CEP85L: variants seen among roughly 807,000 people sequenced by gnomAD.
CEP85L encodes the protein centrosomal protein 85L, also known as centrosomal protein of 85 kDa-like.
CEP85L carries 60 observed loss-of-function variants against 100.3 expected under a neutral mutation model. That is an observed-to-expected ratio of 0.60 (90% CI 0.49 to 0.74). The LOEUF is 0.74. Among genes scored for constraint, CEP85L ranks in the 30% least tolerant of loss-of-function variants. The probability of loss-of-function intolerance (pLI) is 0.00; values close to 1 mark genes in which losing one functional copy is unlikely to be tolerated. For missense variants in CEP85L, 973 were observed against 936.2 expected (o/e 1.04, Z -0.51); for synonymous variants, 319 against 322.7 (o/e 0.99, Z 0.12).
chr6:118,575,798 T>C (rs1158020690), intron 2 of CEP85L, among the ~76,000 whole-genome samples: 2 of 151,900 alleles, frequency 1.3e-5, no homozygotes, highest in Non-Finnish European at 2.9e-5. Context: ...GATAGTTGCA[T>C]AGTGTGCAGA....
Position 118,632,440 on chromosome 6 carries a change from A to G in CEP85L, c.232+13T>C. On this transcript the variant is annotated intron_variant, in intron 2 of 12. Coordinates refer to ENST00000368491, the MANE Select transcript of CEP85L (RefSeq NM_001042475.3). ...CAAAGATTCATATATAAACAATAAG[A>G]ATTTTAGCTCACCTTCCACGCTATC... 6.3e-7 allele frequency: 1 copy of G among 1,579,902 alleles called. No individual in the cohort carries two copies. The highest frequency in any genetic ancestry group is 8.6e-7 in the Non-Finnish European group (1 of 1,164,534).
At chr6:118,480,362 G>T in intron 9 of CEP85L, 34 bp downstream of exon 9, 1 of 1,188,148 alleles carries the variant, frequency 8.4e-7, no homozygotes, top group Non-Finnish European at 1.2e-6. Flanking sequence ...ACATAGCATA[G>T]ATTTCACGTT....
upstream of CEP85L, among the ~76,000 whole-genome samples, chr6:118,656,573 T>C (rs1190954273): frequency 6.6e-6 from 1 of 152,230 alleles, no homozygotes; most frequent in Non-Finnish European, 1.5e-5. Context: ...TGTAGTTGGC[T>C]GACAGCCTCC....
At chr6:118,602,341 G>C (rs942930878) in intron 2 of CEP85L, among the ~76,000 whole-genome samples, 2 of 152,078 alleles carry the variant, frequency 1.3e-5, no homozygotes, top group Non-Finnish European at 2.9e-5. Flanking sequence ...TATTCCACAA[G>C]AGTACAGCAA....
chr6:118,597,480 TA>T (rs1249582440), intron 2 of CEP85L, among the ~76,000 whole-genome samples: 13 of 152,198 alleles, frequency 8.5e-5, no homozygotes, highest in Non-Finnish European at 1.6e-4. Flanking sequence ...ACAAAAATTT[TA>T]ACATATTTAC....
chr6:118,538,524 G>A (rs569437937), intron 3 of CEP85L, among the ~76,000 whole-genome samples: 1 of 152,046 alleles, frequency 6.6e-6, no homozygotes, highest in South Asian at 2.1e-4. Context: ...TTTGGAGGGA[G>A]AAAAATTTTT....
chr6:118,663,148 T>C (rs1458314493), intron 1 of CEP85L, among the ~76,000 whole-genome samples: 3 of 152,188 alleles, frequency 2.0e-5, no homozygotes, highest in South Asian at 2.1e-4. Flanking sequence ...GAAACCGATA[T>C]ACACTTCTAA....
At chr6:118,555,127 A>G (rs1414552706) in intron 3 of CEP85L, among the ~76,000 whole-genome samples, 6 of 152,166 alleles carry the variant, frequency 3.9e-5, no homozygotes, top group Non-Finnish European at 5.9e-5. Context: ...TCTGCTACAC[A>G]TCTTCATAAA....
intron 1 of CEP85L, among the ~76,000 whole-genome samples, 183 bp from the exon 2 acceptor site, chr6:118,632,794 A>G (rs1488360211): frequency 6.6e-6 from 1 of 152,362 alleles, no homozygotes; most frequent in East Asian, 1.9e-4. Context: ...ATATCAATTA[A>G]GTGTGATTAC....
At chr6:118,693,379 A>G (rs1229588275) in intron 1 of CEP85L, among the ~76,000 whole-genome samples, 2 of 152,234 alleles carry the variant, frequency 1.3e-5, no homozygotes, top group Admixed American at 6.5e-5. Flanking sequence ...GACCCATACA[A>G]TACTACTGGT....
intron 3 of CEP85L, among the ~76,000 whole-genome samples, chr6:118,536,337 C>G (rs1225967619): frequency 1.3e-5 from 2 of 152,034 alleles, no homozygotes; most frequent in South Asian, 2.1e-4. Flanking sequence ...ACAAGCTAAA[C>G]CTACTGGGCA....
chr6:118,618,519 T>C (rs1385735642), intron 2 of CEP85L, among the ~76,000 whole-genome samples: 1 of 152,200 alleles, frequency 6.6e-6, no homozygotes, highest in Non-Finnish European at 1.5e-5. Flanking sequence ...CCCAGATGAA[T>C]TTCCTTTTTT....
intron 4 of CEP85L, among the ~76,000 whole-genome samples, chr6:118,513,318 C>A (rs1312980718): frequency 6.6e-6 from 1 of 151,952 alleles, no homozygotes; most frequent in Non-Finnish European, 1.5e-5. Context: ...CAAAATTTTA[C>A]CAAATCTGAT....
chr6:118,517,080 G>T (rs903915720), intron 4 of CEP85L, among the ~76,000 whole-genome samples: 1 of 152,102 alleles, frequency 6.6e-6, no homozygotes, highest in African/African-American at 2.4e-5. Context: ...TATTTCTGAG[G>T]CCTCTGTTCT....
intron 2 of CEP85L, among the ~76,000 whole-genome samples, chr6:118,621,115 G>T (rs1773413861): frequency 6.6e-6 from 1 of 152,118 alleles, no homozygotes; most frequent in African/African-American, 2.4e-5. Flanking sequence ...CCTATGGCCT[G>T]AAGCTCATAA....
chr6:118,492,203 A>T (rs1774622587), intron 5 of CEP85L, among the ~76,000 whole-genome samples: 1 of 152,160 alleles, frequency 6.6e-6, no homozygotes, highest in Non-Finnish European at 1.5e-5. Flanking sequence ...ATACTTCAAC[A>T]TGTAAATAGT....
At chr6:118,675,068 A>G (rs920678811) in intron 1 of CEP85L, among the ~76,000 whole-genome samples, 2 of 152,186 alleles carry the variant, frequency 1.3e-5, no homozygotes, top group African/African-American at 4.8e-5. Context: ...ATGTCTGTCA[A>G]CTCATAAATG....
intron 1 of CEP85L, among the ~76,000 whole-genome samples, chr6:118,688,195 T>G (rs1010423950): frequency 1.3e-5 from 2 of 152,180 alleles, no homozygotes; most frequent in African/African-American, 4.8e-5. Context: ...AGAGACAGTT[T>G]TCACCATGTT....
At chr6:118,585,952 T>C (rs1188615868) in intron 2 of CEP85L, among the ~76,000 whole-genome samples, 3 of 152,168 alleles carry the variant, frequency 2.0e-5, no homozygotes, top group Admixed American at 1.3e-4. Context: ...TTCCATGTTG[T>C]ACAGAAAAAG....
Sources: gnomAD v4.1 joint callset for allele counts (sites outside exome capture counted in the v4.1 genomes callset) on GRCh38, gnomAD v4.1.1 for gene constraint, MANE v1.5 for transcripts, NCBI Gene and HGNC (gene_info 2026-07-23, HGNC 2026-07-21) for gene names.